TMPRSS15: variants seen among roughly 807,000 people sequenced by gnomAD.
TMPRSS15 encodes transmembrane serine protease 15.
Under a neutral mutation model 125.3 loss-of-function variants are expected in TMPRSS15, and 128 were observed. That is an observed-to-expected ratio of 1.02 (90% CI 0.89 to 1.18). The LOEUF (loss-of-function observed/expected upper bound fraction) is 1.18. Ranked by LOEUF, TMPRSS15 falls within the 50% of genes most tolerant of loss-of-function variation. TMPRSS15 has a pLI of 0.00. For missense variants in TMPRSS15, 1,283 were observed against 1,212.7 expected, an observed-to-expected ratio of 1.06 and a Z score of -0.86; for synonymous variants, 446 against 423.2, an observed-to-expected ratio of 1.05 and a Z score of -0.66.
intron 3 of TMPRSS15, among the ~76,000 whole-genome samples, chr21:18,389,417 T>G (rs1381266950): frequency 6.6e-6 from 1 of 152,190 alleles, no homozygotes; most frequent in Non-Finnish European, 1.5e-5. Flanking sequence ...TGAAGTATAT[T>G]ATTTGAGAAT....
At chr21:18,317,008 G>C (rs2075174504) in intron 16 of TMPRSS15, among the ~76,000 whole-genome samples, 1 of 152,102 alleles carries the variant, frequency 6.6e-6, no homozygotes, top group South Asian at 2.1e-4. Flanking sequence ...GGAAGCAAAA[G>C]CACTTGATAA....
At chr21:18,283,046 G>C (rs1358309013) in intron 21 of TMPRSS15, among the ~76,000 whole-genome samples, 1 of 152,178 alleles carries the variant, frequency 6.6e-6, no homozygotes, top group African/African-American at 2.4e-5. Flanking sequence ...TTATGGTGCT[G>C]TACAGGCTTG....
intron 8 of TMPRSS15, 126 bp from the exon 9 acceptor site, chr21:18,353,989 A>G (rs1019659502): frequency 1.7e-5 from 13 of 764,190 alleles, no homozygotes; most frequent in Non-Finnish European, 2.6e-5. Flanking sequence ...ATCTGATACC[A>G]CTTAGTTAAC....
At chr21:18,428,616 A>G (rs552089872) in intron 1 of TMPRSS15, among the ~76,000 whole-genome samples, 1 of 152,308 alleles carries the variant, frequency 6.6e-6, no homozygotes, top group African/African-American at 2.4e-5. Context: ...CCATGGCTTC[A>G]GAGAGTGGAA....
intron 7 of TMPRSS15, among the ~76,000 whole-genome samples, chr21:18,361,719 T>C (rs1054659687): frequency 1.1e-4 from 16 of 151,920 alleles, no homozygotes; most frequent in African/African-American, 3.9e-4. Context: ...GCCAGTGGGG[T>C]GGAGTTCAGG....
At chr21:18,416,434 A>C (rs2123182130) in intron 1 of TMPRSS15, among the ~76,000 whole-genome samples, 1 of 152,120 alleles carries the variant, frequency 6.6e-6, no homozygotes, top group South Asian at 2.1e-4. Flanking sequence ...CTAGAGCAAA[A>C]TTCATATTAT....
chr21:18,297,699 G>A (rs1478972849), intron 19 of TMPRSS15, 35 bp downstream of exon 19: 5 of 1,493,380 alleles, frequency 3.3e-6, no homozygotes, highest in Non-Finnish European at 4.7e-6. Context: ...CCATGTCTAT[G>A]TACAACTAGT....
intron 18 of TMPRSS15, among the ~76,000 whole-genome samples, chr21:18,302,555 A>T (rs373758451): frequency 6.6e-6 from 1 of 152,324 alleles, no homozygotes; most frequent in East Asian, 1.9e-4. Flanking sequence ...AGATTTTCTG[A>T]CTTCCACCCT....
chr21:18,433,132 T>TAC (rs2076219880), intron 1 of TMPRSS15, among the ~76,000 whole-genome samples: 1 of 152,126 alleles, frequency 6.6e-6, no homozygotes, highest in South Asian at 2.1e-4. Flanking sequence ...ACACTGAACA[T>TAC]ACCTTAAATG....
At chr21:18,280,739 TAGAG>T (rs2074688442) in intron 22 of TMPRSS15, among the ~76,000 whole-genome samples, 3 of 152,166 alleles carry the variant, frequency 2.0e-5, no homozygotes, top group Admixed American at 2.0e-4. Flanking sequence ...ACATGAAAAA[TAGAG>T]AGGGCATGCA....
intron 1 of TMPRSS15, among the ~76,000 whole-genome samples, chr21:18,455,628 T>C (rs985804422): frequency 6.6e-6 from 1 of 152,182 alleles, no homozygotes; most frequent in African/African-American, 2.4e-5. Flanking sequence ...TGAACTTTGC[T>C]CTTTGCAAGG....
rs151002598 is a variant in TMPRSS15 at position 18,391,897 on chromosome 21, C to T, written c.344+5982G>A. ...TTAATTCTTGACTTCTGTGTACCTG[C>T]GGGCCCACGTGGAAGTTGCCAAAGT... On this transcript the variant is annotated intron_variant, in intron 3 of 24. Transcript: ENST00000284885. Among the ~76,000 whole-genome samples, 699 of 152,312 alleles carry T rather than the reference C, an allele frequency of 4.6e-3. 3 individuals are homozygous for T. The highest frequency in any genetic ancestry group is 0.016 in the African/African-American group (667 of 41,582).
At position 18,387,612 on chromosome 21, in the gene TMPRSS15, TACACAC is replaced by T. The variant is rs57708622; in HGVS notation, c.345-3840_345-3835del. On this transcript the variant is annotated intron_variant, in intron 3 of 24. Transcript: ENST00000284885. ...AAGAGTAGCTACACACACACACACA[TACACAC>T]ACACACACACACACACACACACACA... Among the ~76,000 whole-genome samples the T allele has an allele frequency of 6.8e-3, 984 of 145,226 alleles. 4 individuals carry two copies. Among genetic ancestry groups the T allele is most frequent in the African/African-American group, 0.012 (478 of 39,684 alleles).
At chr21:18,467,318 G>T (rs1022662994) in intron 1 of TMPRSS15, among the ~76,000 whole-genome samples, 1 of 151,966 alleles carries the variant, frequency 6.6e-6, no homozygotes, top group Non-Finnish European at 1.5e-5. Context: ...ATGATGGGTT[G>T]ATGGTGCAGC....
chr21:18,413,957 T>C (rs1489747743), intron 1 of TMPRSS15, among the ~76,000 whole-genome samples: 1 of 152,210 alleles, frequency 6.6e-6, no homozygotes, highest in Non-Finnish European at 1.5e-5. Context: ...AAATAATTTG[T>C]TTACAAAGTG....
chr21:18,276,927 A>ATT (rs1016603973), intron 23 of TMPRSS15, among the ~76,000 whole-genome samples: 3 of 147,372 alleles, frequency 2.0e-5, no homozygotes, highest in African/African-American at 7.5e-5. Context: ...CGCCTGGCTA[A>ATT]TTTTTTTTTT....
chr21:18,404,088 C>G (rs2076125872), upstream of TMPRSS15, among the ~76,000 whole-genome samples: 1 of 152,190 alleles, frequency 6.6e-6, no homozygotes, highest in African/African-American at 2.4e-5. Flanking sequence ...TAAGACACTT[C>G]TCTTATATGT....
At chr21:18,388,378 C>T (rs1391004881) in intron 3 of TMPRSS15, among the ~76,000 whole-genome samples, 1 of 152,132 alleles carries the variant, frequency 6.6e-6, no homozygotes, top group Non-Finnish European at 1.5e-5. Flanking sequence ...TAAAAGATTA[C>T]TTACTAAATA....
intron 1 of TMPRSS15, among the ~76,000 whole-genome samples, chr21:18,467,856 C>T (rs191577738): frequency 6.1e-4 from 93 of 151,956 alleles, no homozygotes; most frequent in African/African-American, 2.1e-3. Context: ...TGAAAATAAA[C>T]GGGAGATTAT....
Sources: allele counts gnomAD v4.1 joint callset (sites outside exome capture counted in the v4.1 genomes callset), GRCh38; gene constraint gnomAD v4.1.1; transcripts MANE v1.5; gene names NCBI Gene and HGNC (gene_info 2026-07-23, HGNC 2026-07-21).